Variants in ARMC2 observed in about 807,000 individuals in gnomAD.
ARMC2 encodes the protein armadillo repeat containing 2.
ARMC2 carries 67 observed loss-of-function variants against 90.3 expected under a neutral mutation model. That is an observed-to-expected ratio of 0.74 (90% CI 0.61 to 0.91). The LOEUF (loss-of-function observed/expected upper bound fraction) is 0.91. Ranked by LOEUF, ARMC2 falls within the 40% of genes least tolerant of loss-of-function variation. The probability of loss-of-function intolerance (pLI) is 0.00; values close to 1 mark genes in which losing one functional copy is unlikely to be tolerated. For synonymous variants in ARMC2, 393 were observed against 393.0 expected (o/e 1.00, Z 0.00); for missense variants, 920 against 1,030.9 (o/e 0.89, Z 1.47).
At chr6:108,994,936 C>T in the ARMC2 span, among the ~76,000 whole-genome samples, 1 of 152,052 alleles carries the variant, frequency 6.6e-6, no homozygotes, top group African/African-American at 2.4e-5. Context: ...GATCTCCTGA[C>T]CTTGTGATCT....
intron 5 of ARMC2, 22 bp from the exon 6 acceptor site, chr6:108,894,445 G>A (rs1336933423): frequency 1.3e-6 from 2 of 1,594,762 alleles, no homozygotes; most frequent in Middle Eastern, 1.7e-4. Flanking sequence ...TTTGCGCTGA[G>A]TGTTTTATGT....
chr6:109,013,768 C>G, the ARMC2 span, among the ~76,000 whole-genome samples: 66 of 152,056 alleles, frequency 4.3e-4, no homozygotes, highest in Non-Finnish European at 1.8e-4. Context: ...GTGGTTTAAG[C>G]ATTCTTGAAA....
At chr6:108,908,777 A>G (rs1415051041) in intron 8 of ARMC2, among the ~76,000 whole-genome samples, 1 of 152,010 alleles carries the variant, frequency 6.6e-6, no homozygotes, top group Non-Finnish European at 1.5e-5. Context: ...AGAGAGAGAG[A>G]GAAATGTCGT....
At chr6:108,954,850 A>G (rs968426392) in intron 13 of ARMC2, among the ~76,000 whole-genome samples, 2 of 152,156 alleles carry the variant, frequency 1.3e-5, no homozygotes, top group African/African-American at 4.8e-5. Flanking sequence ...GCCATAACAA[A>G]ATCCCGTAAA....
intron 12 of ARMC2, among the ~76,000 whole-genome samples, chr6:108,942,225 T>C (rs1776499513): frequency 6.6e-6 from 1 of 152,212 alleles, no homozygotes; most frequent in Non-Finnish European, 1.5e-5. Flanking sequence ...CTTTGGCACC[T>C]GTAAGGTGTT....
chr6:108,878,508 T>C (rs1222828850), intron 5 of ARMC2, among the ~76,000 whole-genome samples: 1 of 152,186 alleles, frequency 6.6e-6, no homozygotes, highest in Admixed American at 6.5e-5. Context: ...TTTGTTTCCA[T>C]GAAACTGCAA....
At chr6:108,990,544 G>GT in the ARMC2 span, 1 of 1,050,568 alleles carries the variant, frequency 9.5e-7, no homozygotes. Context: ...GAGGGGATGG[G>GT]TTTTGATTAT....
intron 4 of ARMC2, among the ~76,000 whole-genome samples, chr6:108,874,175 T>C (rs1295163342): frequency 2.6e-5 from 4 of 152,184 alleles, no homozygotes; most frequent in African/African-American, 9.7e-5. Flanking sequence ...TCATCAGGAA[T>C]GAGAGTGAGC....
In ARMC2 at chr6:108,953,287, C is replaced by T; in HGVS notation, c.1851C>T (p.His617=). The change falls in exon 13 of 18, where the codon CAC becomes CAT. Residue 617 remains histidine (H), a synonymous_variant. Coordinates refer to ENST00000392644, the MANE Select transcript of ARMC2 (RefSeq NM_032131.6). The part of the protein sequence containing the change: ...LTRVLANIAI[H]PGVGPVLAAN... ...GTGTGCTGGCCAACATTGCCATCCA[C>T]CCGGGCGTGGGCCCGGTGCTGGCCG... 1 of 1,612,228 alleles carries T rather than the reference C, an allele frequency of 6.2e-7. No homozygotes were observed. The highest frequency in any genetic ancestry group is 8.5e-7 in the Non-Finnish European group (1 of 1,179,852).
At chr6:108,994,910 A>C in the ARMC2 span, among the ~76,000 whole-genome samples, 1 of 152,004 alleles carries the variant, frequency 6.6e-6, no homozygotes, top group African/African-American at 2.4e-5. Flanking sequence ...TCACCGTGTT[A>C]GCCAGGAATG....
chr6:108,985,898 ACT>A, the ARMC2 span, among the ~76,000 whole-genome samples: 1 of 152,160 alleles, frequency 6.6e-6, no homozygotes, highest in East Asian at 1.9e-4. Flanking sequence ...AGATAATAAT[ACT>A]CTATTCCTAG....
chr6:108,929,052 G>A (rs889459635), intron 11 of ARMC2, among the ~76,000 whole-genome samples: 8 of 151,986 alleles, frequency 5.3e-5, no homozygotes, highest in South Asian at 2.1e-4. Context: ...ATTGTATGAC[G>A]TGGAGGCTTG....
intron 10 of ARMC2, among the ~76,000 whole-genome samples, chr6:108,925,851 C>T (rs750656988): frequency 1.3e-5 from 2 of 152,122 alleles, no homozygotes; most frequent in Non-Finnish European, 2.9e-5. Context: ...GTGTGTATCA[C>T]GTGCAGTAAA....
chr6:108,982,180 C>G, the ARMC2 span, among the ~76,000 whole-genome samples: 1 of 152,254 alleles, frequency 6.6e-6, no homozygotes, highest in South Asian at 2.1e-4. Context: ...TTAGTTCAAG[C>G]TGAGATAACA....
intron 5 of ARMC2, among the ~76,000 whole-genome samples, chr6:108,889,777 A>G (rs2128452393): frequency 6.6e-6 from 1 of 151,884 alleles, no homozygotes; most frequent in Non-Finnish European, 1.5e-5. Flanking sequence ...CCCATTTTGT[A>G]GTCCACTTCT....
the ARMC2 span, among the ~76,000 whole-genome samples, chr6:109,050,680 AG>A: frequency 2.0e-5 from 3 of 152,216 alleles, no homozygotes; most frequent in Non-Finnish European, 2.9e-5. Flanking sequence ...CATAATCCTT[AG>A]GTCTCTCAGC....
chr6:108,878,564 G>A (rs947652349), intron 5 of ARMC2, among the ~76,000 whole-genome samples: 3 of 152,276 alleles, frequency 2.0e-5, no homozygotes, highest in African/African-American at 7.2e-5. Context: ...AGATATTGAT[G>A]GAATATCTGA....
intron 7 of ARMC2, among the ~76,000 whole-genome samples, chr6:108,901,646 G>A (rs1021439315): frequency 9.9e-5 from 15 of 151,634 alleles, no homozygotes; most frequent in African/African-American, 3.4e-4. Context: ...CAAACTTGTG[G>A]CCTCAAGTGA....
At chr6:108,908,228 T>G (rs116253419) in intron 8 of ARMC2, among the ~76,000 whole-genome samples, 66 of 152,264 alleles carry the variant, frequency 4.3e-4, no homozygotes, top group African/African-American at 1.5e-3. Context: ...ACTCCTCAAG[T>G]GCAAAGTGTG....
Sources: gnomAD v4.1 joint callset for allele counts (sites outside exome capture counted in the v4.1 genomes callset) on GRCh38, gnomAD v4.1.1 for gene constraint, MANE v1.5 for transcripts, NCBI Gene and HGNC (gene_info 2026-07-23, HGNC 2026-07-21) for gene names.